Variants in SLC24A2 observed in about 807,000 individuals in gnomAD.
SLC24A2 encodes sodium/potassium/calcium exchanger 2.
SLC24A2 carries 36 observed loss-of-function variants against 62.0 expected under a neutral mutation model. That is an observed-to-expected ratio of 0.58 (90% CI 0.44 to 0.77). SLC24A2 has a LOEUF of 0.77. Among genes scored for constraint, SLC24A2 ranks in the 30% least tolerant of loss-of-function variants. SLC24A2 has a pLI of 0.00. For missense variants in SLC24A2, 846 were observed against 817.9 expected, an observed-to-expected ratio of 1.03 and a Z score of -0.42; for synonymous variants, 358 against 294.0, an observed-to-expected ratio of 1.22 and a Z score of -2.23.
intron 7 of SLC24A2, among the ~76,000 whole-genome samples, chr9:19,553,872 G>T (rs1834958409): frequency 6.6e-6 from 1 of 152,198 alleles, no homozygotes; most frequent in African/African-American, 2.4e-5. Flanking sequence ...GGTTAACGTG[G>T]CAAGAGACTA....
At chr9:19,642,782 G>A (rs1440148516) in intron 2 of SLC24A2, among the ~76,000 whole-genome samples, 7 of 138,898 alleles carry the variant, frequency 5.0e-5, no homozygotes, top group African/African-American at 1.9e-4. Flanking sequence ...CCGGGTTCAA[G>A]CCATTCTTCT....
chr9:19,748,505 C>G (rs1821896145), intron 2 of SLC24A2, among the ~76,000 whole-genome samples: 1 of 152,104 alleles, frequency 6.6e-6, no homozygotes, highest in Non-Finnish European at 1.5e-5. Flanking sequence ...ATCTGTGAGT[C>G]ACAGCTGGGC....
the SLC24A2 span, among the ~76,000 whole-genome samples, chr9:20,227,125 G>T: frequency 4.6e-5 from 7 of 152,086 alleles, no homozygotes; most frequent in African/African-American, 1.7e-4. Context: ...GCTCTGAATG[G>T]CCTTGACAGG....
intron 2 of SLC24A2, among the ~76,000 whole-genome samples, chr9:19,723,542 A>G (rs371708725): frequency 7.9e-5 from 12 of 152,178 alleles, no homozygotes; most frequent in African/African-American, 2.9e-4. Flanking sequence ...TGACTTTAAC[A>G]TAGACTCTGT....
At chr9:20,054,225 T>C in the SLC24A2 span, among the ~76,000 whole-genome samples, 1 of 152,140 alleles carries the variant, frequency 6.6e-6, no homozygotes, top group African/African-American at 2.4e-5. Flanking sequence ...GGAGTCTCAC[T>C]CTGTCACCCA....
At chr9:19,723,493 C>A (rs544598071) in intron 2 of SLC24A2, among the ~76,000 whole-genome samples, 1 of 152,094 alleles carries the variant, frequency 6.6e-6, no homozygotes, top group Non-Finnish European at 1.5e-5. Context: ...CCCACCAAAC[C>A]GTCTTAAGCC....
chr9:20,086,632 C>A, the SLC24A2 span, among the ~76,000 whole-genome samples: 1 of 152,192 alleles, frequency 6.6e-6, no homozygotes, highest in African/African-American at 2.4e-5. Flanking sequence ...TCGTCACAGT[C>A]TGAGTCTTGT....
intron 5 of SLC24A2, among the ~76,000 whole-genome samples, chr9:19,584,273 TA>T (rs5896848): frequency 0.055 from 6,594 of 119,790 alleles, 192 homozygotes; most frequent in African/African-American, 0.076. Flanking sequence ...TAGCAAATAG[TA>T]AAAAAAAAAA....
intron 6 of SLC24A2, 152 bp from the exon 7 acceptor site, chr9:19,573,621 G>C (rs1331072638): frequency 1.4e-6 from 1 of 734,450 alleles, no homozygotes; most frequent in Admixed American, 2.0e-5. Flanking sequence ...TTGGGCTAAA[G>C]CAGAGGATAG....
At chr9:20,187,397 AC>A in the SLC24A2 span, among the ~76,000 whole-genome samples, 159 of 152,086 alleles carry the variant, frequency 1.0e-3, no homozygotes, top group African/African-American at 3.8e-3. Context: ...CCTTTTCCTG[AC>A]CCCCCGTTGC....
chr9:19,881,567 C>G, the SLC24A2 span, among the ~76,000 whole-genome samples: 2 of 152,176 alleles, frequency 1.3e-5, no homozygotes, highest in South Asian at 2.1e-4. Flanking sequence ...CCCACTATGA[C>G]AGCGCCTTAG....
At chr9:20,182,969 G>C in the SLC24A2 span, among the ~76,000 whole-genome samples, 3 of 152,146 alleles carry the variant, frequency 2.0e-5, no homozygotes, top group Non-Finnish European at 4.4e-5. Flanking sequence ...AAGTTGATTT[G>C]TAAAATGAGC....
At position 19,538,971 on chromosome 9, in the gene SLC24A2, G is replaced by C. The variant is rs1490117862; in HGVS notation, c.1480-10833C>G. ...TCGAGGAATTTATCCATTTCTTCTA[G>C]ATTTTCTAGTTTATTTGTGTAGAGG... On this transcript the variant is annotated intron_variant, in intron 8 of 10. Coordinates refer to ENST00000341998, the MANE Select transcript of SLC24A2 (RefSeq NM_020344.4). Among the ~76,000 whole-genome samples, 8 of 132,744 alleles carry C rather than the reference G, an allele frequency of 6.0e-5. 1 individual carries two copies. Among genetic ancestry groups the C allele is most frequent in the Admixed American group, 4.6e-4 (6 of 12,952 alleles). The allele number at this position is 132,744 out of a possible 152,430, so 87.1% of individuals were successfully genotyped here.
the SLC24A2 span, among the ~76,000 whole-genome samples, chr9:20,092,076 C>T: frequency 4.6e-5 from 7 of 152,110 alleles, no homozygotes; most frequent in African/African-American, 1.7e-4. Context: ...GAACAACAGA[C>T]CCTGGGGCCT....
chr9:20,125,538 G>A, the SLC24A2 span, among the ~76,000 whole-genome samples: 16,512 of 152,120 alleles, frequency 0.11, 948 homozygotes, highest in Middle Eastern at 0.17. Context: ...ATAGTACAGG[G>A]TCAGGGGAAG....
At chr9:19,832,968 C>T in the SLC24A2 span, among the ~76,000 whole-genome samples, 1 of 152,058 alleles carries the variant, frequency 6.6e-6, no homozygotes, top group Non-Finnish European at 1.5e-5. Context: ...GACATTTATG[C>T]AGCCAAAAGA....
chr9:20,077,562 C>T, the SLC24A2 span, among the ~76,000 whole-genome samples: 1 of 150,792 alleles, frequency 6.6e-6, no homozygotes, highest in Non-Finnish European at 1.5e-5. Context: ...CAGATGAGCA[C>T]CTGCTGCTAC....
chr9:19,913,121 A>G, the SLC24A2 span, among the ~76,000 whole-genome samples: 6 of 151,958 alleles, frequency 3.9e-5, no homozygotes, highest in Admixed American at 1.3e-4. Flanking sequence ...ATCATTTTAC[A>G]TACTCTTCCC....
chr9:20,161,947 C>G, the SLC24A2 span, among the ~76,000 whole-genome samples: 1 of 151,560 alleles, frequency 6.6e-6, no homozygotes, highest in African/African-American at 2.4e-5. Flanking sequence ...TTACATACAA[C>G]AAAATAATTA....
Sources: gnomAD v4.1 joint callset for allele counts (sites outside exome capture counted in the v4.1 genomes callset) on GRCh38, gnomAD v4.1.1 for gene constraint, MANE v1.5 for transcripts, NCBI Gene and HGNC (gene_info 2026-07-23, HGNC 2026-07-21) for gene names.